The following FAM120C variants were observed in gnomAD, a reference collection of about 807,000 sequenced individuals.
The protein encoded by FAM120C is constitutive coactivator of PPAR-gamma-like protein 2.
Under a neutral mutation model 71.2 loss-of-function variants are expected in FAM120C, and 14 were observed. The observed-to-expected ratio is 0.20, with a 90% CI of 0.13 to 0.31. FAM120C has a LOEUF of 0.31. Among genes scored for constraint, FAM120C ranks in the 10% least tolerant of loss-of-function variants. The pLI is 1.00. For missense variants in FAM120C, 500 were observed against 879.0 expected (o/e 0.57, Z 5.45); for synonymous variants, 354 against 353.2 (o/e 1.00, Z -0.03).
intron 9 of FAM120C, among the ~76,000 whole-genome samples, chrX:54,117,831 A>G (rs1007767078): frequency 3.4e-4 from 38 of 112,331 alleles, no homozygotes; most frequent in African/African-American, 1.2e-3. Flanking sequence ...AGCACAAGGA[A>G]GAATTATGTA....
chrX:54,125,471 A>G (rs1383767218), intron 9 of FAM120C, among the ~76,000 whole-genome samples: 3 of 110,626 alleles, frequency 2.7e-5, no homozygotes, highest in Admixed American at 9.7e-5. Flanking sequence ...GGCTATATAT[A>G]TTTTTTGTAT....
At chrX:54,078,113 T>G (rs1557120886) in intron 15 of FAM120C, among the ~76,000 whole-genome samples, 1 of 104,224 alleles carries the variant, frequency 9.6e-6, no homozygotes, top group African/African-American at 3.5e-5. Flanking sequence ...CCGGCTAATT[T>G]TTTGTATTTT....
chrX:54,151,406 A>G, intron 3 of FAM120C, 33 bp from the exon 4 acceptor site: 1 of 1,184,378 alleles, frequency 8.4e-7, no homozygotes, highest in Admixed American at 2.4e-5. Context: ...GGACACTGAC[A>G]TCAAAGATGG....
intron 9 of FAM120C, among the ~76,000 whole-genome samples, chrX:54,129,184 C>T (rs1471274310): frequency 6.5e-5 from 7 of 107,284 alleles, no homozygotes; most frequent in Non-Finnish European, 9.7e-5. Context: ...CCCTCCCGGA[C>T]GGGGTGGCTG....
chrX:54,074,897 T>C (rs1438817997), intron 15 of FAM120C, among the ~76,000 whole-genome samples: 1 of 111,796 alleles, frequency 8.9e-6, no homozygotes, highest in Non-Finnish European at 1.9e-5. Flanking sequence ...CTTTTACAGA[T>C]AAGAAAACTG....
At chrX:54,097,158 T>A (rs2066856149) in intron 10 of FAM120C, among the ~76,000 whole-genome samples, 1 of 111,287 alleles carries the variant, frequency 9.0e-6, no homozygotes, top group Admixed American at 9.7e-5. Flanking sequence ...TCAATCGGAG[T>A]CTTCAGAATT....
At position 54,159,363 on chromosome X, in the gene FAM120C, G is replaced by T; in HGVS notation, c.946+7C>A. The T allele has an allele frequency of 8.3e-7, 1 of 1,211,002 alleles. No individual in the cohort carries two copies. On this transcript the variant is annotated splice_region_variant and intron_variant, in intron 2 of 15. Transcript: ENST00000375180. ...AATCACTGCAGTCTTTTCTTTGGAT[G>T]ACCTACCTAGCAGTGCAGCAAATAT...
At chrX:54,160,325 T>G (rs781971189) in intron 1 of FAM120C, among the ~76,000 whole-genome samples, 9 of 111,237 alleles carry the variant, frequency 8.1e-5, no homozygotes, top group African/African-American at 2.3e-4. Flanking sequence ...ACCCAAACAG[T>G]TGCACTTCCA....
intron 9 of FAM120C, among the ~76,000 whole-genome samples, chrX:54,127,863 G>T (rs1452948339): frequency 9.0e-6 from 1 of 110,885 alleles, no homozygotes; most frequent in African/African-American, 3.3e-5. Flanking sequence ...TAGGTATTGA[G>T]ATTACAGACG....
intron 1 of FAM120C, among the ~76,000 whole-genome samples, chrX:54,165,413 T>C (rs1189816703): frequency 9.0e-6 from 1 of 111,693 alleles, no homozygotes; most frequent in Non-Finnish European, 1.9e-5. Context: ...ACAAATGGTG[T>C]TGGGATAACT....
chrX:54,167,268 C>G (rs1557135281), intron 1 of FAM120C, among the ~76,000 whole-genome samples: 1 of 112,059 alleles, frequency 8.9e-6, no homozygotes, highest in Non-Finnish European at 1.9e-5. Context: ...CACTCTGGCT[C>G]AATTTACACA....
rs2066696534 is a variant in FAM120C at position 54,068,732 on chromosome X, A to G, written c.*4301T>C. On this transcript the variant is annotated 3_prime_UTR_variant, in exon 16 of 16. Coordinates refer to ENST00000375180, the MANE Select transcript of FAM120C (RefSeq NM_017848.6). ...GCACTAAAAGTCACTGACTCCTTGC[A>G]GTTAAAGTTTCTTTACCTAGTGTGT... 9.0e-6 allele frequency: 1 copy of G among 111,530 alleles called. No homozygotes were observed. The highest frequency in any genetic ancestry group is 3.7e-4 in the South Asian group (1 of 2,714). 9.2% of individuals were successfully genotyped at this position (111,530 alleles called of 1,213,427 possible).
intron 1 of FAM120C, among the ~76,000 whole-genome samples, chrX:54,162,386 T>A (rs1459863582): frequency 8.9e-6 from 1 of 111,733 alleles, no homozygotes; most frequent in Non-Finnish European, 1.9e-5. Context: ...CTTGGACAAA[T>A]TCCTTGATAA....
chrX:54,111,875 A>G (rs149700019), intron 10 of FAM120C, among the ~76,000 whole-genome samples: 230 of 112,147 alleles, frequency 2.1e-3, no homozygotes, highest in Non-Finnish European at 3.9e-3. Context: ...ACATTACCTG[A>G]CTTCAAACTA....
intron 10 of FAM120C, 141 bp downstream of exon 10, chrX:54,116,404 C>T (rs782339050): frequency 3.2e-6 from 2 of 632,017 alleles, no homozygotes; most frequent in African/African-American, 4.6e-5. Flanking sequence ...TCTGAACAAT[C>T]ATTTTCGGTG....
chrX:54,097,598 T>C (rs1216866795), intron 10 of FAM120C, among the ~76,000 whole-genome samples: 1 of 112,117 alleles, frequency 8.9e-6, no homozygotes, highest in Non-Finnish European at 1.9e-5. Flanking sequence ...GTGTCCTAAC[T>C]GTTGCAAATA....
intron 9 of FAM120C, among the ~76,000 whole-genome samples, chrX:54,127,848 C>T (rs1363039768): frequency 1.8e-5 from 2 of 110,553 alleles, no homozygotes; most frequent in Non-Finnish European, 3.8e-5. Flanking sequence ...CCACTTGGGC[C>T]TCCCTAGGTA....
intron 15 of FAM120C, among the ~76,000 whole-genome samples, chrX:54,076,322 G>GT (rs1395204121): frequency 3.0e-5 from 3 of 99,295 alleles, no homozygotes; most frequent in Admixed American, 1.1e-4. Context: ...GAGCAAGACT[G>GT]TTTTTTTAAA....
intron 1 of FAM120C, among the ~76,000 whole-genome samples, chrX:54,175,861 G>C (rs1557136609): frequency 8.9e-6 from 1 of 111,771 alleles, no homozygotes; most frequent in African/African-American, 3.3e-5. Context: ...GTACTTAGAA[G>C]AATAGGGATC....
Sources: allele counts gnomAD v4.1 joint callset (sites outside exome capture counted in the v4.1 genomes callset), GRCh38; gene constraint gnomAD v4.1.1; transcripts MANE v1.5; gene names NCBI Gene and HGNC (gene_info 2026-07-23, HGNC 2026-07-21).